Variants in SCMH1 observed in about 807,000 individuals in gnomAD.
The protein encoded by SCMH1 is Scm polycomb group protein homolog 1.
A neutral mutation model predicts 70.8 loss-of-function variants in SCMH1; 37 were observed. The ratio of observed to expected loss-of-function variants is 0.52; its 90% CI spans 0.40 to 0.69. The LOEUF is 0.69. SCMH1 is among the 30% of genes least tolerant of loss of function. The pLI, the probability that SCMH1 is intolerant of heterozygous loss-of-function variation, is 0.00. For synonymous variants in SCMH1, 292 were observed against 307.4 expected (o/e 0.95, Z 0.52); for missense variants, 607 against 827.3 (o/e 0.73, Z 3.27).
At chr1:41,158,736 G>A (rs1223612884) in intron 4 of SCMH1, among the ~76,000 whole-genome samples, 1 of 152,174 alleles carries the variant, frequency 6.6e-6, no homozygotes, top group Non-Finnish European at 1.5e-5. Context: ...ATGGGCAGGA[G>A]GGTGATAGGG....
At chr1:41,232,798 G>T (rs546618750) in intron 1 of SCMH1, among the ~76,000 whole-genome samples, 1 of 152,082 alleles carries the variant, frequency 6.6e-6, no homozygotes, top group Non-Finnish European at 1.5e-5. Flanking sequence ...ATACATTTTG[G>T]AATAAGGCAA....
At chr1:41,034,652 T>C (rs1645044157) in intron 13 of SCMH1, among the ~76,000 whole-genome samples, 1 of 152,036 alleles carries the variant, frequency 6.6e-6, no homozygotes, top group Non-Finnish European at 1.5e-5. Context: ...CATTGCAGGC[T>C]CTGCTAATGG....
intron 8 of SCMH1, among the ~76,000 whole-genome samples, chr1:41,077,176 G>T (rs1658542395): frequency 1.3e-5 from 2 of 152,166 alleles, no homozygotes; most frequent in Non-Finnish European, 2.9e-5. Flanking sequence ...CTGTCATGAG[G>T]ATTAGATGAA....
At chr1:41,180,134 TGCAGAAAAG>T (rs1299909673) in intron 2 of SCMH1, among the ~76,000 whole-genome samples, 2 of 152,202 alleles carry the variant, frequency 1.3e-5, no homozygotes, top group Non-Finnish European at 2.9e-5. Flanking sequence ...TCTCAATAGA[TGCAGAAAAG>T]GCCTTTGACA....
intron 8 of SCMH1, among the ~76,000 whole-genome samples, chr1:41,087,192 A>C (rs1445740263): frequency 6.6e-6 from 1 of 152,124 alleles, no homozygotes; most frequent in Non-Finnish European, 1.5e-5. Context: ...CACAAATTAG[A>C]TCTATTTCTC....
At chr1:41,028,524 C>T (rs1394279095) in intron 14 of SCMH1, 60 bp downstream of exon 15, 2 of 1,602,400 alleles carry the variant, frequency 1.2e-6, no homozygotes, top group African/African-American at 2.7e-5. Context: ...CTCGTATTGT[C>T]CCCACCAGGT....
intron 2 of SCMH1, among the ~76,000 whole-genome samples, chr1:41,172,517 ATC>A (rs544875545): frequency 6.6e-6 from 1 of 152,148 alleles, no homozygotes; most frequent in Non-Finnish European, 1.5e-5. Flanking sequence ...ACCAAAAGTC[ATC>A]TATAGATTCA....
intron 8 of SCMH1, among the ~76,000 whole-genome samples, chr1:41,085,033 G>A (rs900183700): frequency 1.0e-4 from 15 of 150,530 alleles, no homozygotes; most frequent in Admixed American, 3.3e-4. Flanking sequence ...GCTAAATGAC[G>A]AGTTAGTGGG....
At chr1:41,125,220 C>T (rs923186669) in intron 6 of SCMH1, among the ~76,000 whole-genome samples, 2 of 151,920 alleles carry the variant, frequency 1.3e-5, no homozygotes, top group African/African-American at 2.4e-5. Context: ...CTCATTCCTT[C>T]TATATATTTT....
At chr1:41,156,830 C>G (rs1645591718) in intron 4 of SCMH1, among the ~76,000 whole-genome samples, 1 of 151,868 alleles carries the variant, frequency 6.6e-6, no homozygotes, top group South Asian at 2.1e-4. Context: ...CTAGAAAGAA[C>G]ATACTGATTT....
chr1:41,029,191 T>C (rs914434825), intron 13 of SCMH1, among the ~76,000 whole-genome samples: 4 of 152,168 alleles, frequency 2.6e-5, no homozygotes, highest in African/African-American at 2.4e-5. Context: ...CATTACAGCC[T>C]GATACACTAA....
chr1:41,223,393 T>C (rs911259044), intron 1 of SCMH1, among the ~76,000 whole-genome samples: 2 of 152,222 alleles, frequency 1.3e-5, no homozygotes, highest in Admixed American at 1.3e-4. Context: ...TCCCTGACAA[T>C]AAATATGTGG....
At chr1:41,108,450 A>G (rs1211131156) in intron 8 of SCMH1, among the ~76,000 whole-genome samples, 1 of 152,244 alleles carries the variant, frequency 6.6e-6, no homozygotes, top group Admixed American at 6.5e-5. Context: ...TGCCATATGT[A>G]CTGAATTCTT....
chr1:41,226,079 T>G (rs1004521900), intron 1 of SCMH1, among the ~76,000 whole-genome samples: 2 of 152,186 alleles, frequency 1.3e-5, no homozygotes, highest in East Asian at 3.8e-4. Flanking sequence ...GTTACCTGTT[T>G]GCAAAAAGTA....
intron 1 of SCMH1, among the ~76,000 whole-genome samples, chr1:41,236,674 A>G (rs1339417277): frequency 6.6e-6 from 1 of 151,124 alleles, no homozygotes; most frequent in East Asian, 2.0e-4. Context: ...GGATCCCTAC[A>G]TAAAATCATA....
chr1:41,140,913 G>T (rs1644006579), intron 6 of SCMH1, among the ~76,000 whole-genome samples: 1 of 152,156 alleles, frequency 6.6e-6, no homozygotes, highest in Admixed American at 6.5e-5. Flanking sequence ...CATCAATAAG[G>T]TCAATTGGTG....
intron 1 of SCMH1, among the ~76,000 whole-genome samples, chr1:41,224,877 A>C (rs1231780814): frequency 6.6e-6 from 1 of 152,168 alleles, no homozygotes; most frequent in Non-Finnish European, 1.5e-5. Flanking sequence ...AGAAAAAAAG[A>C]TTTAGAGACT....
chr1:41,120,939 G>A (rs1671779461), intron 6 of SCMH1, among the ~76,000 whole-genome samples: 1 of 152,118 alleles, frequency 6.6e-6, no homozygotes, highest in African/African-American at 2.4e-5. Context: ...CACATATCAT[G>A]AGCCAGCTCC....
intron 6 of SCMH1, among the ~76,000 whole-genome samples, chr1:41,140,226 G>T (rs1160172629): frequency 6.6e-6 from 1 of 152,078 alleles, no homozygotes; most frequent in East Asian, 1.9e-4. Flanking sequence ...CAGAGATGAA[G>T]CAGGTAAAAA....
Sources: allele counts gnomAD v4.1 joint callset (sites outside exome capture counted in the v4.1 genomes callset), GRCh38; gene constraint gnomAD v4.1.1; transcripts MANE v1.5; gene names NCBI Gene and HGNC (gene_info 2026-07-23, HGNC 2026-07-21).